The following PARD3B variants were observed in gnomAD, a reference collection of about 807,000 sequenced individuals.
PARD3B encodes partitioning defective 3 homolog B.
A neutral mutation model predicts 130.2 loss-of-function variants in PARD3B; 103 were observed. That is an observed-to-expected ratio of 0.79 (90% CI 0.67 to 0.93). The LOEUF is 0.93. Ranked by LOEUF, PARD3B falls within the 40% of genes least tolerant of loss-of-function variation. The pLI is 0.00. For synonymous variants in PARD3B, 583 were observed against 553.2 expected, an observed-to-expected ratio of 1.05 and a Z score of -0.76; for missense variants, 1,609 against 1,499.2, an observed-to-expected ratio of 1.07 and a Z score of -1.21.
At chr2:205,151,079 A>G (rs1327149052) in intron 10 of PARD3B, among the ~76,000 whole-genome samples, 1 of 152,248 alleles carries the variant, frequency 6.6e-6, no homozygotes, top group Non-Finnish European at 1.5e-5. Flanking sequence ...TCCACAATGT[A>G]TACATAGTTT....
At chr2:205,256,949 T>C (rs898811937) in intron 16 of PARD3B, among the ~76,000 whole-genome samples, 1 of 152,060 alleles carries the variant, frequency 6.6e-6, no homozygotes, top group Non-Finnish European at 1.5e-5. Flanking sequence ...AAATCATAAT[T>C]AGGGAATATT....
chr2:204,718,192 G>C (rs913324429), intron 2 of PARD3B, among the ~76,000 whole-genome samples: 2 of 152,028 alleles, frequency 1.3e-5, no homozygotes, highest in African/African-American at 2.4e-5. Flanking sequence ...GTGGGGGATG[G>C]GAGGAGTGTC....
intron 1 of PARD3B, among the ~76,000 whole-genome samples, chr2:204,644,247 C>T (rs1220130103): frequency 6.6e-6 from 1 of 152,122 alleles, no homozygotes; most frequent in Non-Finnish European, 1.5e-5. Flanking sequence ...CATTTCTCTA[C>T]ATAGGGACTG....
chr2:204,782,362 A>G (rs1228229304), intron 2 of PARD3B, among the ~76,000 whole-genome samples: 2 of 128,782 alleles, frequency 1.6e-5, no homozygotes, highest in African/African-American at 5.7e-5. Context: ...ATGTTATATA[A>G]TATATACCAT....
chr2:205,306,752 C>G (rs1364775496), intron 18 of PARD3B, among the ~76,000 whole-genome samples: 3 of 152,138 alleles, frequency 2.0e-5, no homozygotes, highest in Admixed American at 6.5e-5. Context: ...TTTCCATAGC[C>G]TTTTGCATCT....
chr2:205,339,385 C>T (rs529353845), intron 18 of PARD3B, among the ~76,000 whole-genome samples: 2 of 152,204 alleles, frequency 1.3e-5, no homozygotes, highest in South Asian at 4.2e-4. Context: ...ATAATTGACA[C>T]AACTCAGGTA....
chr2:204,747,195 TGG>T, intron 2 of PARD3B, among the ~76,000 whole-genome samples: 3 of 152,214 alleles, frequency 2.0e-5, no homozygotes, highest in Admixed American at 6.5e-5. Context: ...TTTCTCCACA[TGG>T]CTGGCCAGTT....
chr2:205,067,626 A>C (rs1700472898), intron 4 of PARD3B, among the ~76,000 whole-genome samples: 1 of 152,122 alleles, frequency 6.6e-6, no homozygotes, highest in Admixed American at 6.6e-5. Context: ...TTAAGCCTTT[A>C]ATTTACCTAT....
intron 22 of PARD3B, among the ~76,000 whole-genome samples, chr2:205,580,547 C>A (rs1344866363): frequency 1.3e-5 from 2 of 152,162 alleles, no homozygotes; most frequent in Admixed American, 6.5e-5. Context: ...CTCAAATCTG[C>A]ACCAAAAGCT....
At chr2:204,829,998 C>CAAAAAA (rs745415671) in intron 2 of PARD3B, among the ~76,000 whole-genome samples, 1 of 47,696 alleles carries the variant, frequency 2.1e-5, no homozygotes, top group Admixed American at 2.9e-4. Flanking sequence ...GACTCCGTCT[C>CAAAAAA]AAAAAAAAAA....
Position 205,263,808 on chromosome 2 carries a change from A to G in PARD3B, c.2185+17986A>G, listed in dbSNP as rs1377230032. On this transcript the variant is annotated intron_variant, in intron 16 of 22. Coordinates refer to ENST00000406610, the MANE Select transcript of PARD3B (RefSeq NM_001302769.2). The surrounding 1 kb of genome is among the most constrained non-coding windows in gnomAD (Gnocchi z 4.0). ...CAGACTAAAAATATTTGAAAAACACATATCCAACAAAGGATCTGTATACAG... is the reference window on the plus strand; with the variant it reads ...CAGACTAAAAATATTTGAAAAACACGTATCCAACAAAGGATCTGTATACAG... Among the ~76,000 whole-genome samples the G allele has an allele frequency of 6.6e-6, 1 of 151,326 alleles. No individual in the cohort carries two copies. Among genetic ancestry groups the G allele is most frequent in the African/African-American group, 2.4e-5 (1 of 41,214 alleles).
intron 3 of PARD3B, among the ~76,000 whole-genome samples, chr2:205,038,198 C>A (rs1382546710): frequency 6.6e-6 from 1 of 152,090 alleles, no homozygotes; most frequent in Non-Finnish European, 1.5e-5. Context: ...TCCTTGAATG[C>A]CAGAACAAGA....
intron 18 of PARD3B, among the ~76,000 whole-genome samples, chr2:205,395,284 G>A (rs1325968176): frequency 6.6e-6 from 1 of 152,162 alleles, no homozygotes; most frequent in African/African-American, 2.4e-5. Context: ...GCTGACCCTT[G>A]CCAAGGCTAT....
At position 205,318,681 on chromosome 2, in the gene PARD3B, C is replaced by T. The variant is rs192705301; in HGVS notation, c.2630+16980C>T. On this transcript the variant is annotated intron_variant, in intron 18 of 22. Transcript: ENST00000406610. Reference sequence around the variant, plus strand: ...ACAATAGTTCTTGCATTGTTAAAAACGAGCAAAGGTGCCAAAGAATTATTC... The same window carrying T: ...ACAATAGTTCTTGCATTGTTAAAAATGAGCAAAGGTGCCAAAGAATTATTC... Among the ~76,000 whole-genome samples, 295 of 152,204 alleles carry T rather than the reference C, an allele frequency of 1.9e-3. 4 individuals carry two copies. The highest frequency in any genetic ancestry group is 4.0e-4 in the Non-Finnish European group (27 of 68,008).
At chr2:204,592,290 G>A (rs2125095256) in intron 1 of PARD3B, among the ~76,000 whole-genome samples, 1 of 152,350 alleles carries the variant, frequency 6.6e-6, no homozygotes, top group South Asian at 2.1e-4. Context: ...GGAAACTACA[G>A]TAGTCTTATG....
intron 16 of PARD3B, among the ~76,000 whole-genome samples, chr2:205,279,726 G>A (rs940846420): frequency 1.3e-5 from 2 of 152,160 alleles, no homozygotes; most frequent in Admixed American, 1.3e-4. Context: ...GGTTCAGCCA[G>A]TTCCATTTCA....
intron 15 of PARD3B, among the ~76,000 whole-genome samples, chr2:205,236,586 C>T (rs2039072593): frequency 6.6e-6 from 1 of 151,992 alleles, no homozygotes; most frequent in Non-Finnish European, 1.5e-5. Context: ...TTTGTCCAAG[C>T]CACCCTCAAA....
Position 205,615,594 on chromosome 2 carries a change from G to C in PARD3B, c.3399G>C (p.Arg1133Ser). 1 of 1,614,052 alleles carries C rather than the reference G, an allele frequency of 6.2e-7. No homozygotes were observed. Among genetic ancestry groups the C allele is most frequent in the Non-Finnish European group, 8.5e-7 (1 of 1,179,946 alleles). The change falls in exon 23 of 23, where the codon AGG becomes AGC. Residue 1133 changes from arginine (R) to serine (S), a missense_variant. By Grantham distance (110) the Arg-to-Ser change is moderately radical. Transcript: ENST00000406610. ...KGSYPRPTEL[R>S]VADLRYPQHY... ...GCTATCCCCGCCCCACAGAGCTCAG[G>C]GTGGCAGATCTCCGGTATCCTCAGC...
At chr2:204,750,648 A>G (rs1330988666) in intron 2 of PARD3B, among the ~76,000 whole-genome samples, 1 of 152,096 alleles carries the variant, frequency 6.6e-6, no homozygotes, top group Non-Finnish European at 1.5e-5. Flanking sequence ...ACACATACAT[A>G]CATACATAAA....
Sources: allele counts gnomAD v4.1 joint callset (sites outside exome capture counted in the v4.1 genomes callset), GRCh38; gene constraint gnomAD v4.1.1; non-coding constraint Gnocchi (gnomAD v3.1); transcripts MANE v1.5; gene names NCBI Gene and HGNC (gene_info 2026-07-23, HGNC 2026-07-21).